The following VPS13B variants were observed in gnomAD, a reference collection of about 807,000 sequenced individuals.
VPS13B encodes the protein intermembrane lipid transfer protein VPS13B.
In VPS13B, 285 loss-of-function variants were observed where a neutral mutation model predicts 426.4. The observed-to-expected ratio is 0.67, with a 90% confidence interval of 0.61 to 0.74. VPS13B has a LOEUF of 0.74. Among genes scored for constraint, VPS13B ranks in the 30% least tolerant of loss-of-function variants. The pLI is 0.00. For synonymous variants in VPS13B, 1,676 were observed against 1,676.4 expected, an observed-to-expected ratio of 1.00 and a Z score of 0.01; for missense variants, 4,537 against 4,782.6, an observed-to-expected ratio of 0.95 and a Z score of 1.51.
intron 33 of VPS13B, among the ~76,000 whole-genome samples, chr8:99,621,820 C>CTTTTTTTTTTTTTTTTTTTTTTTT (rs749078781): frequency 1.2e-5 from 1 of 83,256 alleles, no homozygotes; most frequent in Non-Finnish European, 2.2e-5. Flanking sequence ...TGTTTTGTTT[C>CTTTTTTTTTTTTTTTTTTTTTTTT]TTTTTTTTTT....
intron 36 of VPS13B, among the ~76,000 whole-genome samples, chr8:99,700,470 T>C (rs117727829): frequency 1.4e-4 from 21 of 152,380 alleles, no homozygotes; most frequent in Middle Eastern, 3.4e-3. Flanking sequence ...AAAGTTGGTG[T>C]TGTGGCAGAT....
At chr8:99,566,497 G>A (rs948753644) in intron 31 of VPS13B, among the ~76,000 whole-genome samples, 4 of 151,252 alleles carry the variant, frequency 2.6e-5, no homozygotes, top group Admixed American at 6.6e-5. Flanking sequence ...CTGGAGTGTA[G>A]TGGTGCAGTC....
At chr8:99,236,883 T>C (rs1337289487) in intron 17 of VPS13B, among the ~76,000 whole-genome samples, 2 of 152,212 alleles carry the variant, frequency 1.3e-5, no homozygotes, top group African/African-American at 4.8e-5. Context: ...AAAATTCCAG[T>C]TCTATAACCA....
intron 12 of VPS13B, among the ~76,000 whole-genome samples, chr8:99,141,860 T>G (rs1311943016): frequency 2.1e-5 from 3 of 144,010 alleles, no homozygotes; most frequent in Admixed American, 7.1e-5. Flanking sequence ...CTGGCTAACA[T>G]GGTGAAACCC....
chr8:99,507,876 G>A (rs1312478079), intron 28 of VPS13B: 2 of 1,613,930 alleles, frequency 1.2e-6, no homozygotes, highest in Non-Finnish European at 1.7e-6. Flanking sequence ...CAGCAAGCAG[G>A]ACCCTTTCAG....
chr8:99,340,433 A>G (rs1811178708), intron 19 of VPS13B: 1 of 481,036 alleles, frequency 2.1e-6, no homozygotes, highest in Admixed American at 2.4e-5. Flanking sequence ...AAGTGTTTCA[A>G]TAAAGCCTTC....
chr8:99,260,382 A>G (rs1353087047), intron 17 of VPS13B, among the ~76,000 whole-genome samples: 4 of 152,164 alleles, frequency 2.6e-5, no homozygotes, highest in Admixed American at 2.0e-4. Context: ...AAACAAACCT[A>G]AACCTCTAAG....
At chr8:99,192,655 G>T (rs897176041) in intron 16 of VPS13B, among the ~76,000 whole-genome samples, 2 of 152,154 alleles carry the variant, frequency 1.3e-5, no homozygotes, top group African/African-American at 4.8e-5. Context: ...GAATATGTGT[G>T]TATGGACATC....
At chr8:99,015,215 A>ATTTTT (rs35213007) in intron 2 of VPS13B, among the ~76,000 whole-genome samples, 1 of 127,906 alleles carries the variant, frequency 7.8e-6, no homozygotes, top group African/African-American at 2.9e-5. Flanking sequence ...TAACAGCTCA[A>ATTTTT]TTTTTTTTTT....
intron 34 of VPS13B, among the ~76,000 whole-genome samples, chr8:99,646,667 G>A (rs1829588598): frequency 6.6e-6 from 1 of 152,182 alleles, no homozygotes; most frequent in Admixed American, 6.5e-5. Context: ...GACTCTCAGT[G>A]TTGAAGGTAA....
chr8:99,153,549 C>T (rs1811188940), intron 14 of VPS13B, among the ~76,000 whole-genome samples: 2 of 152,088 alleles, frequency 1.3e-5, no homozygotes, highest in Admixed American at 6.6e-5. Flanking sequence ...TAACACCATA[C>T]CACTTTACAG....
At chr8:99,689,706 T>G (rs1016176261) in intron 35 of VPS13B, among the ~76,000 whole-genome samples, 1 of 152,196 alleles carries the variant, frequency 6.6e-6, no homozygotes, top group African/African-American at 2.4e-5. Context: ...AATAGTTTTT[T>G]TCTGTGTCCC....
chr8:99,469,955 T>C (rs1173642994), intron 24 of VPS13B, among the ~76,000 whole-genome samples: 1 of 152,142 alleles, frequency 6.6e-6, no homozygotes, highest in Non-Finnish European at 1.5e-5. Context: ...AGATGGATAG[T>C]TCCCACCAGA....
chr8:99,189,116 A>AT, intron 16 of VPS13B, among the ~76,000 whole-genome samples: 1 of 151,688 alleles, frequency 6.6e-6, no homozygotes, highest in African/African-American at 2.4e-5. Context: ...AGCCCGGCTA[A>AT]TTTTTTGCAT....
intron 19 of VPS13B, among the ~76,000 whole-genome samples, chr8:99,335,481 C>T (rs1029100215): frequency 6.6e-6 from 1 of 151,848 alleles, no homozygotes; most frequent in Non-Finnish European, 1.5e-5. Flanking sequence ...CCTGCTTTCT[C>T]TTGTGGGCAT....
At chr8:99,708,849 C>CTCTA (rs201729748) in intron 36 of VPS13B, among the ~76,000 whole-genome samples, 1,512 of 147,328 alleles carry the variant, frequency 0.01, 17 homozygotes, top group South Asian at 0.023. Flanking sequence ...CTCTCTCTCT[C>CTCTA]TATATATATA....
At chr8:99,541,151 A>T (rs1401465443) in intron 30 of VPS13B, among the ~76,000 whole-genome samples, 1 of 152,146 alleles carries the variant, frequency 6.6e-6, no homozygotes, top group Non-Finnish European at 1.5e-5. Flanking sequence ...TAAGATTACC[A>T]AAGAATATTG....
chr8:99,579,468 G>C (rs1256862291), intron 33 of VPS13B, among the ~76,000 whole-genome samples: 1 of 151,986 alleles, frequency 6.6e-6, no homozygotes, highest in Non-Finnish European at 1.5e-5. Flanking sequence ...TGCGATCTCA[G>C]CCCACTGTAA....
chr8:99,166,003 C>G (rs1811981217), intron 15 of VPS13B, among the ~76,000 whole-genome samples: 1 of 152,014 alleles, frequency 6.6e-6, no homozygotes, highest in Admixed American at 6.6e-5. Flanking sequence ...TTTTTGAGAT[C>G]TAGTTTTGCA....
Sources: allele counts gnomAD v4.1 joint callset (sites outside exome capture counted in the v4.1 genomes callset), GRCh38; gene constraint gnomAD v4.1.1; transcripts MANE v1.5; gene names NCBI Gene and HGNC (gene_info 2026-07-23, HGNC 2026-07-21).